ADCY2: variants seen among roughly 807,000 people sequenced by gnomAD.
ADCY2 encodes the protein adenylate cyclase type 2.
In ADCY2, 31 loss-of-function variants were observed where a neutral mutation model predicts 125.2. That is an observed-to-expected ratio of 0.25 (90% CI 0.19 to 0.33). ADCY2 has a LOEUF of 0.33. ADCY2 is among the 10% of genes least tolerant of loss of function. The pLI is 1.00. For synonymous variants in ADCY2, 512 were observed against 548.4 expected (o/e 0.93, Z 0.93); for missense variants, 904 against 1,418.2 (o/e 0.64, Z 5.82).
chr5:7,817,107 A>G, intron 23 of ADCY2, 127 bp downstream of exon 23: 1 of 711,358 alleles, frequency 1.4e-6, no homozygotes. Flanking sequence ...CCGTTGCAAG[A>G]CTGGATGACA....
chr5:7,575,171 A>T (rs1040257238), intron 3 of ADCY2, among the ~76,000 whole-genome samples: 3 of 152,112 alleles, frequency 2.0e-5, no homozygotes, highest in African/African-American at 7.2e-5. Context: ...CTATAAAAAA[A>T]AATTTTTAAA....
intron 3 of ADCY2, among the ~76,000 whole-genome samples, chr5:7,603,009 T>C (rs1737266969): frequency 6.6e-6 from 1 of 152,182 alleles, no homozygotes; most frequent in Admixed American, 6.5e-5. Flanking sequence ...GCCCATTGGC[T>C]TTGCTGTCAC....
intron 3 of ADCY2, among the ~76,000 whole-genome samples, chr5:7,579,058 C>G (rs1736340729): frequency 1.3e-5 from 2 of 152,198 alleles, no homozygotes; most frequent in Admixed American, 6.5e-5. Flanking sequence ...CATTTATTCT[C>G]TGTGTCTCAG....
At chr5:7,711,401 T>C (rs946111718) in intron 10 of ADCY2, among the ~76,000 whole-genome samples, 2 of 152,190 alleles carry the variant, frequency 1.3e-5, no homozygotes, top group Non-Finnish European at 2.9e-5. Context: ...CCATTTCCCA[T>C]TGGGATTTAT....
chr5:7,740,137 G>A (rs1742367604), intron 14 of ADCY2, among the ~76,000 whole-genome samples: 2 of 151,820 alleles, frequency 1.3e-5, no homozygotes, highest in Non-Finnish European at 2.9e-5. Flanking sequence ...AATAAAATGA[G>A]AAAGGTTGGA....
intron 4 of ADCY2, among the ~76,000 whole-genome samples, chr5:7,673,269 A>AAAAAATATAT (rs1554030659): frequency 2.5e-4 from 1 of 3,928 alleles, no homozygotes; most frequent in African/African-American, 6.4e-4. Context: ...AAAAAAAAAA[A>AAAAAATATAT]ATATATATAT....
At chr5:7,821,671 A>G (rs1745306961) in intron 24 of ADCY2, among the ~76,000 whole-genome samples, 1 of 152,214 alleles carries the variant, frequency 6.6e-6, no homozygotes, top group South Asian at 2.1e-4. Flanking sequence ...TGCAAGTGTG[A>G]CTGTGCTGGA....
rs1196231621 is a variant in ADCY2, at chr5:7,718,829, C to CA, written c.1703+1593dup. ...AAATAAATAACTTCCTGCAATCTAA[C>CA]AGCAGCTAAAACCTAGGGAGGCACC... On this transcript the variant is annotated intron_variant, in intron 12 of 24. Coordinates refer to ENST00000338316, the MANE Select transcript of ADCY2 (RefSeq NM_020546.3). Among the ~76,000 whole-genome samples, 5 of 152,176 alleles carry CA rather than the reference C, an allele frequency of 3.3e-5. No homozygotes were observed. The East Asian group carries it at 9.7e-4, about 29-fold the overall frequency.
intron 24 of ADCY2, among the ~76,000 whole-genome samples, chr5:7,821,880 T>C (rs550209147): frequency 9.2e-5 from 14 of 152,154 alleles, no homozygotes; most frequent in Non-Finnish European, 1.6e-4. Flanking sequence ...GGGGCAATGC[T>C]CACAGGAAGA....
rs1280689737 is a variant in ADCY2, at chr5:7,615,923, GC to G, written c.571-10242del. Among the ~76,000 whole-genome samples the G allele has an allele frequency of 9.9e-5, 15 of 152,180 alleles. No individual in the cohort carries two copies. In the South Asian group the frequency reaches 3.1e-3, roughly 32 times the overall value. ...TATGCAACACTCAACAGACACATTG[GC>G]CACTGATCATCATTAGTATTTCACC... is the stretch of plus-strand genomic sequence containing the variant. On this transcript the variant is annotated intron_variant, in intron 3 of 24. Coordinates refer to ENST00000338316, the MANE Select transcript of ADCY2 (RefSeq NM_020546.3).
At chr5:7,433,116 A>T (rs1364186597) in intron 2 of ADCY2, among the ~76,000 whole-genome samples, 1 of 152,220 alleles carries the variant, frequency 6.6e-6, no homozygotes, top group Non-Finnish European at 1.5e-5. Flanking sequence ...GACTCGCCAA[A>T]AAACGTGTCC....
intron 3 of ADCY2, among the ~76,000 whole-genome samples, chr5:7,621,619 C>T (rs1039797207): frequency 1.2e-4 from 19 of 152,182 alleles, no homozygotes; most frequent in African/African-American, 4.3e-4. Flanking sequence ...CAAGTCCATT[C>T]TCCTGATTGC....
chr5:7,743,855 C>A, intron 15 of ADCY2, 103 bp downstream of exon 15: 1 of 1,044,136 alleles, frequency 9.6e-7, no homozygotes, highest in Non-Finnish European at 1.4e-6. Flanking sequence ...TGCTTTACCA[C>A]TTCAAGAACT....
At chr5:7,644,102 G>A (rs1400998494) in intron 4 of ADCY2, among the ~76,000 whole-genome samples, 1 of 151,976 alleles carries the variant, frequency 6.6e-6, no homozygotes, top group East Asian at 1.9e-4. Context: ...CACAAATAGT[G>A]TCTTCATTCT....
chr5:7,664,263 AT>A (rs200120756), intron 4 of ADCY2, among the ~76,000 whole-genome samples: 15 of 151,850 alleles, frequency 9.9e-5, no homozygotes, highest in African/African-American at 1.9e-4. Context: ...AAAACATGTG[AT>A]TTTTTTTTCT....
chr5:7,777,055 CTATATA>C (rs35756313), intron 18 of ADCY2, among the ~76,000 whole-genome samples: 1 of 149,226 alleles, frequency 6.7e-6, no homozygotes. Flanking sequence ...AAACTCCCTT[CTATATA>C]TATATATATA....
At chr5:7,713,172 TA>T (rs113939706) in intron 11 of ADCY2, among the ~76,000 whole-genome samples, 35 of 148,130 alleles carry the variant, frequency 2.4e-4, no homozygotes, top group East Asian at 3.9e-4. Flanking sequence ...TAATGTGTGG[TA>T]AAAAAAAAAG....
chr5:7,569,576 T>C (rs1156423641), intron 3 of ADCY2, among the ~76,000 whole-genome samples: 1 of 152,148 alleles, frequency 6.6e-6, no homozygotes, highest in Non-Finnish European at 1.5e-5. Context: ...ACCAGGGTAC[T>C]CCAGATAGTT....
Position 7,650,526 on chromosome 5 carries a change from C to G in ADCY2, c.720+24210C>G, listed in dbSNP as rs184275837. Among the ~76,000 whole-genome samples, 5 of 152,146 alleles carry G rather than the reference C, an allele frequency of 3.3e-5. No individual in the cohort carries two copies. In the East Asian group the frequency reaches 9.7e-4, roughly 29 times the overall value. ...AATGTAGATTTGAGTAGCAGAAGTG[C>G]ACCTCCAGACACAGGATGGAGGAAC... On this transcript the variant is annotated intron_variant, in intron 4 of 24. Coordinates refer to ENST00000338316, the MANE Select transcript of ADCY2 (RefSeq NM_020546.3).
Sources: gnomAD v4.1 joint callset for allele counts (sites outside exome capture counted in the v4.1 genomes callset) on GRCh38, gnomAD v4.1.1 for gene constraint, MANE v1.5 for transcripts, NCBI Gene and HGNC (gene_info 2026-07-23, HGNC 2026-07-21) for gene names.